LOC400499: variants seen among roughly 807,000 people sequenced by gnomAD.
chr16:11,419,165 CA>C, the LOC400499 span, among the ~76,000 whole-genome samples: 1 of 139,680 alleles, frequency 7.2e-6, no homozygotes, highest in African/African-American at 2.8e-5. Context: ...AACTCTGTCT[CA>C]AAAAAACAAA....
At chr16:11,475,113 G>A in the LOC400499 span, among the ~76,000 whole-genome samples, 7 of 152,088 alleles carry the variant, frequency 4.6e-5, no homozygotes, top group African/African-American at 1.7e-4. Flanking sequence ...TGCAGCTTGT[G>A]GATTCAGTCA....
chr16:11,495,861 T>G, the LOC400499 span, among the ~76,000 whole-genome samples: 1 of 152,164 alleles, frequency 6.6e-6, no homozygotes, highest in African/African-American at 2.4e-5. Context: ...TAGATAGAAC[T>G]GAGACTTAAC....
the LOC400499 span, among the ~76,000 whole-genome samples, chr16:11,432,415 G>T: frequency 6.6e-6 from 1 of 152,234 alleles, no homozygotes; most frequent in South Asian, 2.1e-4. Context: ...CAAAAGCCCT[G>T]TGAGTTTTGA....
chr16:11,384,774 G>T, the LOC400499 span: 2 of 951,074 alleles, frequency 2.1e-6, no homozygotes, highest in Non-Finnish European at 2.7e-6. Flanking sequence ...CTAGAGACGA[G>T]GCCGGCAGAG....
chr16:11,384,894 G>GCCAGAGGC, the LOC400499 span: 567 of 1,232,288 alleles, frequency 4.6e-4, no homozygotes, highest in South Asian at 3.6e-3. Flanking sequence ...CCACCGTGCT[G>GCCAGAGGC]CCAGAGGCCC....
chr16:11,506,821 C>T, the LOC400499 span, among the ~76,000 whole-genome samples: 1 of 152,200 alleles, frequency 6.6e-6, no homozygotes, highest in Non-Finnish European at 1.5e-5. Context: ...GCATTTCAAG[C>T]CGAAGCTCAT....
chr16:11,443,464 T>A, the LOC400499 span: 1 of 202,228 alleles, frequency 4.9e-6, no homozygotes, highest in Non-Finnish European at 9.2e-6. Flanking sequence ...TGAGACTCTG[T>A]CTTAAAAAAA....
chr16:11,473,670 G>A, the LOC400499 span, among the ~76,000 whole-genome samples: 26 of 151,700 alleles, frequency 1.7e-4, no homozygotes, highest in South Asian at 5.4e-3. Context: ...CAGAAGAATT[G>A]CTTGAACCCA....
chr16:11,434,504 C>A, the LOC400499 span, among the ~76,000 whole-genome samples: 1 of 152,162 alleles, frequency 6.6e-6, no homozygotes. Flanking sequence ...TATATAGAGT[C>A]AGAACCGAGA....
the LOC400499 span, among the ~76,000 whole-genome samples, chr16:11,505,177 G>C: frequency 2.0e-5 from 3 of 151,130 alleles, no homozygotes; most frequent in East Asian, 3.9e-4. Context: ...CTGATTTGTA[G>C]CATTTGCCGA....
At chr16:11,432,040 C>T in the LOC400499 span, among the ~76,000 whole-genome samples, 1 of 152,158 alleles carries the variant, frequency 6.6e-6, no homozygotes, top group Non-Finnish European at 1.5e-5. Context: ...GTGAGGAAGC[C>T]CAAGCAGCCA....
the LOC400499 span, among the ~76,000 whole-genome samples, chr16:11,387,610 C>T: frequency 5.3e-5 from 8 of 150,386 alleles, no homozygotes; most frequent in East Asian, 3.9e-4. Flanking sequence ...GTGGGGATGC[C>T]GAGGACAGGA....
At chr16:11,393,479 C>G in the LOC400499 span, 2 of 1,232,358 alleles carry the variant, frequency 1.6e-6, no homozygotes, top group East Asian at 6.3e-5. Flanking sequence ...CCACGCTTCC[C>G]TCCAACCGGA....
chr16:11,477,032 C>T, the LOC400499 span: 1 of 400,786 alleles, frequency 2.5e-6, no homozygotes. Context: ...CCCTGCAGTC[C>T]TGAGCCACAG....
chr16:11,524,267 C>T, the LOC400499 span, among the ~76,000 whole-genome samples: 2 of 131,180 alleles, frequency 1.5e-5, no homozygotes, highest in Admixed American at 7.7e-5. Flanking sequence ...TCACCCACTC[C>T]CTCTCCTATC....
At chr16:11,435,880 C>G in the LOC400499 span, 1 of 399,284 alleles carries the variant, frequency 2.5e-6, no homozygotes, top group East Asian at 3.6e-5. Context: ...CTGCCTGCAC[C>G]TGCAGGGAGG....
the LOC400499 span, among the ~76,000 whole-genome samples, chr16:11,410,227 G>A: frequency 6.6e-6 from 1 of 152,202 alleles, no homozygotes; most frequent in Non-Finnish European, 1.5e-5. Flanking sequence ...GCCGAGGTGG[G>A]TGGATCATTT....
chr16:11,433,003 T>C, the LOC400499 span, among the ~76,000 whole-genome samples: 1 of 152,192 alleles, frequency 6.6e-6, no homozygotes, highest in Admixed American at 6.5e-5. Context: ...AGAACAAGGG[T>C]TGGAAAACTA....
At chr16:11,515,885 AGCCCAGCCTAGCCCAGCCC>A in the LOC400499 span, 1 of 20,248 alleles carries the variant, frequency 4.9e-5, no homozygotes, top group Non-Finnish European at 1.1e-4. Context: ...AGCCCAGCCC[AGCCCAGCCTAGCCCAGCCC>A]AGCCCAGCCT....
Sources: gnomAD v4.1 joint callset for allele counts (sites outside exome capture counted in the v4.1 genomes callset) on GRCh38, gnomAD v4.1.1 for gene constraint, MANE v1.5 for transcripts.